The following EPM2A variants were observed in gnomAD, a reference collection of about 807,000 sequenced individuals.
EPM2A encodes EPM2A glucan phosphatase, laforin.
EPM2A carries 21 observed loss-of-function variants against 26.5 expected under a neutral mutation model. That is an observed-to-expected ratio of 0.79 (90% CI 0.56 to 1.14). The LOEUF (loss-of-function observed/expected upper bound fraction) is 1.14. EPM2A is among the 50% of genes most tolerant of loss of function. The pLI is 0.00. For missense variants in EPM2A, 458 were observed against 440.8 expected (o/e 1.04, Z -0.35); for synonymous variants, 217 against 177.6 (o/e 1.22, Z -1.76).
chr6:145,667,017 G>A (rs111832879), intron 2 of EPM2A, among the ~76,000 whole-genome samples: 48,455 of 115,802 alleles, frequency 0.42, 9,715 homozygotes, highest in Non-Finnish European at 0.48. Context: ...ATCAATTCAA[G>A]ATGGATTAAA....
rs771481073 is a variant in EPM2A at position 145,578,878 on chromosome 6, A to T, written c.340+56367T>A. ...AAAAGCAGGAGAAGAAGGGCGTCTC[A>T]GCTCCAGAAGAAAAAATAATTTGCT... is the stretch of plus-strand genomic sequence containing the variant. On this transcript the variant is annotated intron_variant, in intron 2 of 3. Transcript: ENST00000450221. Among the ~76,000 whole-genome samples the T allele has an allele frequency of 1.6e-4, 24 of 152,118 alleles. 1 individual carries two copies. The highest frequency in any genetic ancestry group is 2.5e-4 in the Non-Finnish European group (17 of 68,028).
chr6:145,608,855 A>T (rs1342605871), intron 2 of EPM2A, among the ~76,000 whole-genome samples: 1 of 152,250 alleles, frequency 6.6e-6, no homozygotes, highest in Non-Finnish European at 1.5e-5. Flanking sequence ...TAATCTAAGT[A>T]ACCCAAATAT....
chr6:145,409,275 T>C (rs971155462), intron 4 of EPM2A, among the ~76,000 whole-genome samples: 1 of 152,104 alleles, frequency 6.6e-6, no homozygotes, highest in Non-Finnish European at 1.5e-5. Context: ...TGGGAAGTGA[T>C]CACAAAAAAA....
At chr6:145,663,157 G>A (rs568286943) in intron 2 of EPM2A, among the ~76,000 whole-genome samples, 36 of 152,260 alleles carry the variant, frequency 2.4e-4, no homozygotes, top group African/African-American at 8.4e-4. Flanking sequence ...AACATCAAGT[G>A]CCTATTCCTA....
chr6:145,467,495 C>T (rs535377910), intron 4 of EPM2A, among the ~76,000 whole-genome samples: 3 of 152,122 alleles, frequency 2.0e-5, no homozygotes, highest in East Asian at 1.9e-4. Flanking sequence ...GGTTTAGCTG[C>T]TATACAGCTT....
At chr6:145,472,445 GT>G (rs1238717020) in intron 4 of EPM2A, among the ~76,000 whole-genome samples, 1 of 148,716 alleles carries the variant, frequency 6.7e-6, no homozygotes, top group African/African-American at 2.6e-5. Context: ...GGGGGGTAGA[GT>G]ACCAAGCAGG....
intron 4 of EPM2A, among the ~76,000 whole-genome samples, chr6:145,406,008 A>ACACACG (rs1778563467): frequency 6.6e-6 from 1 of 150,886 alleles, no homozygotes; most frequent in Non-Finnish European, 1.5e-5. Flanking sequence ...ACACACACAC[A>ACACACG]CACACAACAG....
chr6:145,669,594 C>A (rs898084848), intron 2 of EPM2A, among the ~76,000 whole-genome samples: 2 of 152,160 alleles, frequency 1.3e-5, no homozygotes, highest in Non-Finnish European at 2.9e-5. Flanking sequence ...AGATTTAATT[C>A]TAGCACTGAA....
intron 4 of EPM2A, among the ~76,000 whole-genome samples, chr6:145,478,329 T>C (rs1411886496): frequency 2.0e-5 from 3 of 151,986 alleles, no homozygotes; most frequent in Non-Finnish European, 2.9e-5. Flanking sequence ...GAAGAATCAA[T>C]ATTGTTAAAA....
chr6:145,717,094 G>A (rs1185113064), intron 1 of EPM2A, among the ~76,000 whole-genome samples: 1 of 151,938 alleles, frequency 6.6e-6, no homozygotes, highest in Non-Finnish European at 1.5e-5. Context: ...ACAAAAAGAG[G>A]GAATCCTCCC....
At chr6:145,477,730 T>C (rs1180229772) in intron 4 of EPM2A, among the ~76,000 whole-genome samples, 1 of 151,876 alleles carries the variant, frequency 6.6e-6, no homozygotes, top group East Asian at 1.9e-4. Context: ...AAATTTACTA[T>C]TGCTTCATGA....
chr6:145,722,785 C>T, intron 1 of EPM2A: 1 of 446,946 alleles, frequency 2.2e-6, no homozygotes, highest in Non-Finnish European at 4.5e-6. Flanking sequence ...ATGATTAGTG[C>T]CTTTATAAGA....
At chr6:145,734,021 T>C (rs1279263938) in intron 1 of EPM2A, among the ~76,000 whole-genome samples, 1 of 151,750 alleles carries the variant, frequency 6.6e-6, no homozygotes, top group Non-Finnish European at 1.5e-5. Context: ...ATCACCCTTT[T>C]AGGGCATAAT....
At chr6:145,397,863 T>C (rs957995129) in intron 4 of EPM2A, among the ~76,000 whole-genome samples, 3 of 152,162 alleles carry the variant, frequency 2.0e-5, no homozygotes, top group Admixed American at 6.6e-5. Flanking sequence ...CCCAAGTTGA[T>C]CAAACCCTAG....
rs1185748708 is a variant in EPM2A at position 145,541,354 on chromosome 6, A to ATG, written c.341-38780_341-38779insCA. On this transcript the variant is annotated intron_variant, in intron 2 of 3. Transcript: ENST00000450221. ...TATATATATGTGTGTGTGTATATAT[A>ATG]TATATATGATCGGTGTTCTATATTG... is the stretch of plus-strand genomic sequence containing the variant. Among the ~76,000 whole-genome samples the ATG allele has an allele frequency of 5.3e-5, 8 of 151,566 alleles. No individual in the cohort carries two copies. The South Asian group carries it at 1.7e-3, about 32-fold the overall frequency.
At chr6:145,530,977 C>T (rs1212775608) in intron 2 of EPM2A, among the ~76,000 whole-genome samples, 1 of 152,126 alleles carries the variant, frequency 6.6e-6, no homozygotes, top group East Asian at 1.9e-4. Context: ...TTTCCTTGAT[C>T]CCACACCTCT....
downstream of EPM2A, among the ~76,000 whole-genome samples, chr6:145,623,984 C>A (rs951171500): frequency 2.6e-5 from 4 of 152,166 alleles, no homozygotes; most frequent in East Asian, 7.7e-4. Context: ...TTCAGAGCAA[C>A]GACTTAGAGA....
intron 1 of EPM2A, among the ~76,000 whole-genome samples, chr6:145,705,333 A>G (rs562039870): frequency 6.6e-6 from 1 of 152,328 alleles, no homozygotes; most frequent in East Asian, 1.9e-4. Context: ...AGATATAGAT[A>G]CAGATACAGA....
At chr6:145,561,116 G>A (rs1431208203) in intron 2 of EPM2A, among the ~76,000 whole-genome samples, 1 of 150,182 alleles carries the variant, frequency 6.7e-6, no homozygotes, top group African/African-American at 2.5e-5. Flanking sequence ...TATGGTAAGT[G>A]TCCTATACAG....
Sources: allele counts gnomAD v4.1 joint callset (sites outside exome capture counted in the v4.1 genomes callset), GRCh38; gene constraint gnomAD v4.1.1; transcripts MANE v1.5; gene names NCBI Gene and HGNC (gene_info 2026-07-23, HGNC 2026-07-21).